RPA1: variants seen among roughly 807,000 people sequenced by gnomAD.
RPA1 encodes the protein replication protein A 70 kDa DNA-binding subunit.
Under a neutral mutation model 83.0 loss-of-function variants are expected in RPA1, and 49 were observed. The observed-to-expected ratio is 0.59, with a 90% CI of 0.47 to 0.75. RPA1 has a LOEUF of 0.75. Ranked by LOEUF, RPA1 falls within the 30% of genes least tolerant of loss-of-function variation. RPA1 has a pLI of 0.00. For synonymous variants in RPA1, 279 were observed against 281.8 expected (o/e 0.99, Z 0.10); for missense variants, 693 against 776.1 (o/e 0.89, Z 1.27).
chr17:1,874,010 AAAATAT>A (rs1203216624), intron 6 of RPA1, among the ~76,000 whole-genome samples: 9 of 100,962 alleles, frequency 8.9e-5, no homozygotes, highest in Non-Finnish European at 1.1e-4. Context: ...AAAAAAAAAA[AAAATAT>A]ATATATATAT....
intron 14 of RPA1, among the ~76,000 whole-genome samples, chr17:1,891,055 A>T (rs555244700): frequency 1.3e-5 from 2 of 152,286 alleles, no homozygotes; most frequent in South Asian, 4.1e-4. Flanking sequence ...CTCTCTATTA[A>T]AAGCCTTGTA....
chr17:1,895,327 TTTTG>T (rs982185597), intron 16 of RPA1, among the ~76,000 whole-genome samples: 18 of 150,908 alleles, frequency 1.2e-4, no homozygotes, highest in African/African-American at 3.2e-4. Context: ...ATATGGATTT[TTTTG>T]TTTGTTTATT....
intron 1 of RPA1, among the ~76,000 whole-genome samples, chr17:1,841,693 T>C (rs1912052291): frequency 6.6e-6 from 1 of 152,224 alleles, no homozygotes; most frequent in Non-Finnish European, 1.5e-5. Context: ...AAGAGGTATA[T>C]CCTTGCCTTA....
Position 1,830,018 on chromosome 17 carries a change from C to T in RPA1, c.-76C>T, listed in dbSNP as rs1911461249. On this transcript the variant is annotated 5_prime_UTR_variant, in exon 1 of 17. Coordinates refer to ENST00000254719, the MANE Select transcript of RPA1 (RefSeq NM_002945.5). ...TGCGCGCAACTTCTCGGGCCAATAA[C>T]TGCGCAGCGCGCGGGACCCGGGTGG... is the stretch of plus-strand genomic sequence containing the variant. 7 of 1,233,848 alleles carry T rather than the reference C, an allele frequency of 5.7e-6. No individual in the cohort carries two copies. Among genetic ancestry groups the T allele is most frequent in the South Asian group, 4.1e-5 (1 of 24,174 alleles). The allele number at this position is 1,233,848 out of a possible 1,614,324, so 76.4% of individuals were successfully genotyped here. A position where few individuals can be genotyped will look rare whatever the true frequency, so the allele number is the denominator to read the frequency against.
chr17:1,858,162 C>T, intron 5 of RPA1: 2 of 1,613,966 alleles, frequency 1.2e-6, no homozygotes. Flanking sequence ...GGATCCCATT[C>T]CAGGTATGAT....
intron 1 of RPA1, among the ~76,000 whole-genome samples, chr17:1,834,940 C>A (rs1324218800): frequency 6.6e-6 from 1 of 152,144 alleles, no homozygotes; most frequent in Non-Finnish European, 1.5e-5. Context: ...CAGCTCACTG[C>A]AACCTTCACC....
intron 1 of RPA1, among the ~76,000 whole-genome samples, chr17:1,838,856 A>G (rs1164336609): frequency 2.0e-5 from 3 of 151,564 alleles, no homozygotes; most frequent in South Asian, 2.1e-4. Context: ...TATTTTTTTA[A>G]TTTTTTATTT....
chr17:1,844,615 G>A lies in RPA1; in HGVS notation c.201G>A (p.Glu67=). The change falls in exon 4 of 17, where the codon GAG becomes GAA. Residue 67 remains glutamate, a synonymous_variant. Coordinates refer to ENST00000254719, the MANE Select transcript of RPA1 (RefSeq NM_002945.5). ...MLATQLNPLV[E]EEQLSSNCVC... The stretch of plus-strand genomic sequence containing the variant: ...CGACACAGTTGAACCCTCTCGTGGA[G>A]GAAGAACAATTGTCCAGCAACTGTG... The A allele has an allele frequency of 6.2e-7, 1 of 1,613,722 alleles. No homozygotes were observed. Among genetic ancestry groups the A allele is most frequent in the Non-Finnish European group, 8.5e-7 (1 of 1,179,884 alleles).
Position 1,880,713 on chromosome 17 carries a change from A to G in RPA1, c.1241+22A>G, listed in dbSNP as rs532743595. 1.6e-4 allele frequency: 256 copies of G among 1,610,924 alleles called. 2 individuals are homozygous for G. The South Asian group carries it at 2.7e-3, about 17-fold the overall frequency. On this transcript the variant is annotated intron_variant, in intron 12 of 16. Coordinates refer to ENST00000254719, the MANE Select transcript of RPA1 (RefSeq NM_002945.5). ...GATGGTAGGTTTTGTGGGGCTAAAC[A>G]AAGGGTTACTTGAGGCTGGGCTTTG...
intron 5 of RPA1, among the ~76,000 whole-genome samples, chr17:1,866,930 C>T (rs370368524): frequency 5.9e-5 from 9 of 152,238 alleles, no homozygotes; most frequent in East Asian, 1.9e-4. Context: ...GATGTGTATA[C>T]GTCTGTGTGC....
intron 1 of RPA1, among the ~76,000 whole-genome samples, chr17:1,831,967 G>T (rs1231375668): frequency 3.0e-4 from 17 of 55,988 alleles, no homozygotes; most frequent in African/African-American, 1.1e-3. Flanking sequence ...CCCCACTACC[G>T]CCCCAGGCTG....
intron 1 of RPA1, among the ~76,000 whole-genome samples, chr17:1,837,284 A>G (rs1381942116): frequency 6.6e-6 from 1 of 152,114 alleles, no homozygotes; most frequent in Non-Finnish European, 1.5e-5. Context: ...GGTTTTTGAG[A>G]TTTACCCATG....
rs575335799 is a variant in RPA1, at chr17:1,880,523, G to A, written c.1093-20G>A. On this transcript the variant is annotated intron_variant, in intron 11 of 16. Transcript: ENST00000254719. ...CTTCCTGCTAGTGACACTTGTATATGTCTGGTGTTTCTTTTACAGGCTGAT... is the reference window on the plus strand; with the variant it reads ...CTTCCTGCTAGTGACACTTGTATATATCTGGTGTTTCTTTTACAGGCTGAT... 6 of 1,611,400 alleles carry A rather than the reference G, an allele frequency of 3.7e-6. No homozygotes were observed. Among genetic ancestry groups the A allele is most frequent in the African/African-American group, 2.7e-5 (2 of 74,918 alleles).
At position 1,855,657 on chromosome 17, in the gene RPA1, C is replaced by T. The variant is rs185341042; in HGVS notation, c.361+2468C>T. Among the ~76,000 whole-genome samples the T allele has an allele frequency of 6.0e-3, 919 of 152,144 alleles. 11 individuals carry two copies. The highest frequency in any genetic ancestry group is 0.021 in the African/African-American group (873 of 41,490). On this transcript the variant is annotated intron_variant, in intron 5 of 16. Transcript: ENST00000254719. ...AGAGATATTTTTCTTTAGTTTTCTT[C>T]TATTGTTACATCTCTGATTTTGATA...
chr17:1,874,026 TATATATACACACACACAC>T (rs1913487274), intron 6 of RPA1, among the ~76,000 whole-genome samples: 1 of 110,162 alleles, frequency 9.1e-6, no homozygotes, highest in Non-Finnish European at 1.7e-5. Context: ...TATATATATA[TATATATACACACACACAC>T]ACACACACAC....
intron 9 of RPA1, 45 bp downstream of exon 9, chr17:1,879,106 G>A (rs1445383567): frequency 3.1e-6 from 5 of 1,613,002 alleles, no homozygotes; most frequent in Non-Finnish European, 4.2e-6. Context: ...TGGGGGTGGA[G>A]TGCGGATGAA....
Position 1,885,078 on chromosome 17 carries a change from C to T in RPA1, c.1374+1134C>T, listed in dbSNP as rs115519672. 4.4e-3 allele frequency among the ~76,000 whole-genome samples: 663 copies of T among 152,302 alleles called. 2 individuals are homozygous for T. The highest frequency in any genetic ancestry group is 0.015 in the African/African-American group (604 of 41,544). On this transcript the variant is annotated intron_variant, in intron 13 of 16. Coordinates refer to ENST00000254719, the MANE Select transcript of RPA1 (RefSeq NM_002945.5). ...ATGCTGTTTGACAGCATTTTACCCA[C>T]AGGAGAACTTTTTCAAACTGGAGTC...
At chr17:1,864,552 A>G (rs1913110694) in intron 5 of RPA1, among the ~76,000 whole-genome samples, 2 of 152,102 alleles carry the variant, frequency 1.3e-5, no homozygotes. Context: ...AAATAAATAA[A>G]TAAAAATAAC....
intron 5 of RPA1, among the ~76,000 whole-genome samples, chr17:1,868,707 CCAGCTTGGGCAACA>C (rs1913274392): frequency 6.6e-6 from 1 of 152,048 alleles, no homozygotes; most frequent in South Asian, 2.1e-4. Context: ...CCACTGCCCT[CCAGCTTGGGCAACA>C]CAGCGAGACC....
Sources: gnomAD v4.1 joint callset for allele counts (sites outside exome capture counted in the v4.1 genomes callset) on GRCh38, gnomAD v4.1.1 for gene constraint, MANE v1.5 for transcripts, NCBI Gene and HGNC (gene_info 2026-07-23, HGNC 2026-07-21) for gene names.